The following SLC20A2 variants were observed in gnomAD, a reference collection of about 807,000 sequenced individuals.
SLC20A2 encodes the protein solute carrier family 20 member 2.
A neutral mutation model predicts 61.0 loss-of-function variants in SLC20A2; 30 were observed. The ratio of observed to expected loss-of-function variants is 0.49; its 90% CI spans 0.37 to 0.67. The LOEUF (loss-of-function observed/expected upper bound fraction) is 0.67, where lower values mean the gene tolerates loss of function less well. SLC20A2 is among the 30% of genes least tolerant of loss of function. SLC20A2 has a pLI of 0.00. For missense variants in SLC20A2, 626 were observed against 866.4 expected (o/e 0.72, Z 3.48); for synonymous variants, 351 against 353.3 (o/e 0.99, Z 0.07).
chr8:42,427,608 A>G (rs1400777950), intron 10 of SLC20A2, among the ~76,000 whole-genome samples: 2 of 152,200 alleles, frequency 1.3e-5, no homozygotes, highest in African/African-American at 4.8e-5. Context: ...GTATTTCTGT[A>G]TATGGTAGCA....
chr8:42,532,697 C>T (rs932855805), intron 1 of SLC20A2, among the ~76,000 whole-genome samples: 2 of 151,936 alleles, frequency 1.3e-5, no homozygotes, highest in Non-Finnish European at 2.9e-5. Context: ...CTAACAAGCA[C>T]AGGAAGAAAA....
chr8:42,437,456 C>T lies in SLC20A2; in HGVS notation c.1056G>A (p.Gly352=), dbSNP rs775931626. The stretch of plus-strand genomic sequence containing the variant: ...TTTTGTGCAGCAGATCTTTGTAGAG[C>T]CCCGAGTCTTTGTGCACGGTGTGGT... ...HVYHTVHKDS[G]LYKDLLHKIH... is the part of the protein sequence containing the mutation. The change falls in exon 8 of 11, where the codon GGG becomes GGA. Residue 352 remains glycine, a synonymous_variant. Coordinates refer to ENST00000520262, the MANE Select transcript of SLC20A2 (RefSeq NM_001257180.2). This position sits in a 1 kb window ranked among gnomAD's most constrained non-coding sequence, Gnocchi z 6.4. 3 of 1,614,130 alleles carry T rather than the reference C, an allele frequency of 1.9e-6. No individual in the cohort carries two copies. The highest frequency in any genetic ancestry group is 2.2e-5 in the East Asian group (1 of 44,874).
intron 2 of SLC20A2, among the ~76,000 whole-genome samples, chr8:42,468,962 T>C (rs1437154411): frequency 6.6e-6 from 1 of 152,182 alleles, no homozygotes; most frequent in Non-Finnish European, 1.5e-5. Flanking sequence ...CAAGATGACT[T>C]GTTCAGGACG....
At chr8:42,443,281 A>T (rs1470788915) in intron 6 of SLC20A2, among the ~76,000 whole-genome samples, 4 of 124,410 alleles carry the variant, frequency 3.2e-5, no homozygotes, top group Admixed American at 3.1e-4. Context: ...ATATATATAT[A>T]TATATATATA....
At chr8:42,475,654 A>G (rs1444748393) in intron 1 of SLC20A2, among the ~76,000 whole-genome samples, 3 of 149,218 alleles carry the variant, frequency 2.0e-5, no homozygotes, top group African/African-American at 7.4e-5. Context: ...CAGGTGATCC[A>G]CCCCACTTGG....
At chr8:42,473,777 C>A (rs987248994) in intron 1 of SLC20A2, among the ~76,000 whole-genome samples, 5 of 152,086 alleles carry the variant, frequency 3.3e-5, no homozygotes, top group Non-Finnish European at 5.9e-5. Context: ...AAATACCACA[C>A]CATATACAAT....
At chr8:42,426,821 A>C (rs1218310530) in intron 10 of SLC20A2, among the ~76,000 whole-genome samples, 1 of 152,256 alleles carries the variant, frequency 6.6e-6, no homozygotes, top group African/African-American at 2.4e-5. Context: ...CATCTGTTTA[A>C]AAGCATTCCA....
intron 1 of SLC20A2, among the ~76,000 whole-genome samples, chr8:42,514,140 C>T (rs1007516352): frequency 1.3e-5 from 2 of 152,192 alleles, no homozygotes; most frequent in African/African-American, 4.8e-5. Context: ...AAACAAAATG[C>T]TGACGGCCTG....
intron 6 of SLC20A2, among the ~76,000 whole-genome samples, chr8:42,443,227 T>A (rs1804918324): frequency 7.3e-6 from 1 of 136,922 alleles, no homozygotes; most frequent in Non-Finnish European, 1.5e-5. Context: ...CACAGTATAA[T>A]TATTACAGTA....
At chr8:42,492,851 T>C (rs1217184343) in intron 1 of SLC20A2, among the ~76,000 whole-genome samples, 1 of 152,076 alleles carries the variant, frequency 6.6e-6, no homozygotes, top group East Asian at 1.9e-4. Flanking sequence ...GGCTAACTTT[T>C]TGTATTTTTA....
chr8:42,443,287 A>G (rs1309077269), intron 6 of SLC20A2, among the ~76,000 whole-genome samples: 4 of 134,104 alleles, frequency 3.0e-5, no homozygotes, highest in Non-Finnish European at 6.6e-5. Flanking sequence ...ATATATATAT[A>G]TATATATATA....
At chr8:42,489,740 C>T (rs1809371921) in intron 1 of SLC20A2, among the ~76,000 whole-genome samples, 1 of 152,186 alleles carries the variant, frequency 6.6e-6, no homozygotes, top group African/African-American at 2.4e-5. Context: ...ACTTAGTGGC[C>T]AGAGGTTGTG....
rs974844165 is a variant in SLC20A2, at chr8:42,420,005, T to C, written c.1795-2038A>G. Reference sequence around the variant, plus strand: ...ATCAAGACCATGCTGGCTAACAGGGTGAAACCCCATCTCTACTAAAAATAC... The same window carrying C: ...ATCAAGACCATGCTGGCTAACAGGGCGAAACCCCATCTCTACTAAAAATAC... On this transcript the variant is annotated intron_variant, in intron 10 of 10. Coordinates refer to ENST00000520262, the MANE Select transcript of SLC20A2 (RefSeq NM_001257180.2). Among the ~76,000 whole-genome samples, 3 of 152,016 alleles carry C rather than the reference T, an allele frequency of 2.0e-5. No individual in the cohort carries two copies. In the South Asian group the frequency reaches 6.2e-4, roughly 32 times the overall value.
chr8:42,488,531 C>A (rs1229238436), intron 1 of SLC20A2, among the ~76,000 whole-genome samples: 1 of 152,072 alleles, frequency 6.6e-6, no homozygotes, highest in African/African-American at 2.4e-5. Flanking sequence ...CTTTCCAAGA[C>A]CACACTTTCA....
Position 42,526,590 on chromosome 8 carries a change from G to A in SLC20A2, c.-265+15231C>T, listed in dbSNP as rs865980178. ...CGGGAGGCTGAGCCAGGAGAATGGC[G>A]TGAACCCAGGAGGCAGAGGTTGCAG... On this transcript the variant is annotated intron_variant, in intron 1 of 10. Coordinates refer to the SLC20A2 transcript ENST00000342228. Among the ~76,000 whole-genome samples the A allele has an allele frequency of 4.6e-5, 7 of 151,124 alleles. No homozygotes were observed. In the Middle Eastern group the frequency reaches 0.01, roughly 222 times the overall value.
At chr8:42,435,940 A>AC (rs1395930467) in intron 8 of SLC20A2, among the ~76,000 whole-genome samples, 3 of 151,734 alleles carry the variant, frequency 2.0e-5, no homozygotes, top group African/African-American at 7.3e-5. Flanking sequence ...AACATGGGAA[A>AC]CCCCGTCTCT....
At chr8:42,438,177 T>G (rs1266714592) in intron 7 of SLC20A2, among the ~76,000 whole-genome samples, 1 of 151,884 alleles carries the variant, frequency 6.6e-6, no homozygotes, top group East Asian at 1.9e-4. Flanking sequence ...TTCCAGAAAT[T>G]ACTATGGCAC....
intron 6 of SLC20A2, among the ~76,000 whole-genome samples, chr8:42,444,144 G>A (rs1487694272): frequency 1.3e-5 from 2 of 152,214 alleles, no homozygotes; most frequent in Non-Finnish European, 2.9e-5. Flanking sequence ...ATAGCTAGGA[G>A]TGAAATTACT....
At chr8:42,454,186 T>G (rs1805955936) in intron 5 of SLC20A2, among the ~76,000 whole-genome samples, 1 of 152,112 alleles carries the variant, frequency 6.6e-6, no homozygotes, top group African/African-American at 2.4e-5. Flanking sequence ...TTATTTTCAG[T>G]AGAAACAGGG....
Sources: allele counts gnomAD v4.1 joint callset (sites outside exome capture counted in the v4.1 genomes callset), GRCh38; gene constraint gnomAD v4.1.1; non-coding constraint Gnocchi (gnomAD v3.1); transcripts MANE v1.5; gene names NCBI Gene and HGNC (gene_info 2026-07-23, HGNC 2026-07-21).